Variants in NPAS3 observed in about 807,000 individuals in gnomAD.
NPAS3 encodes neuronal PAS domain-containing protein 3.
In NPAS3, 14 loss-of-function variants were observed where a neutral mutation model predicts 73.1. The ratio of observed to expected loss-of-function variants is 0.19; its 90% CI spans 0.13 to 0.30. The LOEUF (loss-of-function observed/expected upper bound fraction) is 0.30. NPAS3 is among the 10% of genes least tolerant of loss of function. The probability of loss-of-function intolerance (pLI) is 1.00; values close to 1 mark genes in which losing one functional copy is unlikely to be tolerated. For missense variants in NPAS3, 1,096 were observed against 1,250.0 expected (o/e 0.88, Z 1.86); for synonymous variants, 620 against 541.5 (o/e 1.14, Z -2.01).
chr14:33,047,650 C>T (rs1432134469), intron 1 of NPAS3, among the ~76,000 whole-genome samples: 1 of 152,178 alleles, frequency 6.6e-6, no homozygotes, highest in African/African-American at 2.4e-5. Context: ...AGGAAAACCT[C>T]CAATATAAAT....
At chr14:33,380,836 C>CT (rs2046515239) in intron 4 of NPAS3, among the ~76,000 whole-genome samples, 1 of 152,088 alleles carries the variant, frequency 6.6e-6, no homozygotes, top group African/African-American at 2.4e-5. Context: ...TCCCTCAATT[C>CT]TAAAGATATA....
At chr14:33,182,663 T>G (rs375396665) in intron 2 of NPAS3, among the ~76,000 whole-genome samples, 3 of 152,172 alleles carry the variant, frequency 2.0e-5, no homozygotes, top group African/African-American at 7.2e-5. Context: ...GGTTCCAAAT[T>G]TTTTCCTTTA....
At chr14:33,639,381 A>T (rs1158826971) in intron 5 of NPAS3, among the ~76,000 whole-genome samples, 1 of 152,166 alleles carries the variant, frequency 6.6e-6, no homozygotes, top group Non-Finnish European at 1.5e-5. Flanking sequence ...TCTAAAAAAA[A>T]ATTGTCTAGA....
intron 4 of NPAS3, among the ~76,000 whole-genome samples, chr14:33,523,859 G>A (rs535496276): frequency 2.0e-5 from 3 of 152,116 alleles, no homozygotes; most frequent in African/African-American, 4.8e-5. Flanking sequence ...GCCTGCCATC[G>A]ATCCATGATG....
intron 5 of NPAS3, among the ~76,000 whole-genome samples, chr14:33,672,162 G>C (rs74042370): frequency 6.8e-4 from 103 of 152,244 alleles, no homozygotes; most frequent in African/African-American, 2.5e-3. Flanking sequence ...ATGAAAGACA[G>C]ACACTATTCT....
Position 33,083,218 on chromosome 14 carries a change from G to T in NPAS3, c.140+27224G>T, listed in dbSNP as rs1057202292. ...AAAAAAAAAAAAAAAAAAAAAAGAA[G>T]GGACTTTGCCTTTGCCTCCACTCCA... On this transcript the variant is annotated intron_variant, in intron 2 of 11. Coordinates refer to ENST00000356141, the Ensembl canonical transcript of NPAS3. Among the ~76,000 whole-genome samples, 3 of 23,148 alleles carry T rather than the reference G, an allele frequency of 1.3e-4. 1 individual carries two copies. The highest frequency in any genetic ancestry group is 4.8e-4 in the African/African-American group (3 of 6,282). The allele number at this position is 23,148 out of a possible 152,430, so 15.2% of individuals were successfully genotyped here.
At chr14:33,454,248 TA>T (rs1487839673) in intron 4 of NPAS3, among the ~76,000 whole-genome samples, 1 of 152,266 alleles carries the variant, frequency 6.6e-6, no homozygotes, top group African/African-American at 2.4e-5. Flanking sequence ...TTTTAAACTT[TA>T]AACATTTTAT....
chr14:33,786,577 A>C (rs1378071660), intron 9 of NPAS3, among the ~76,000 whole-genome samples: 1 of 152,220 alleles, frequency 6.6e-6, no homozygotes, highest in Admixed American at 6.5e-5. Flanking sequence ...GGAGGTGAAG[A>C]ATGCACCCAG....
chr14:33,593,519 G>A (rs1315727483), intron 5 of NPAS3, among the ~76,000 whole-genome samples: 1 of 152,200 alleles, frequency 6.6e-6, no homozygotes, highest in Non-Finnish European at 1.5e-5. Context: ...GCTTCTGCCA[G>A]TGCGCATTTG....
At chr14:33,349,543 T>C (rs910568262) in intron 3 of NPAS3, among the ~76,000 whole-genome samples, 1 of 152,218 alleles carries the variant, frequency 6.6e-6, no homozygotes, top group Non-Finnish European at 1.5e-5. Context: ...AGAAGTGATT[T>C]TTCATCATCA....
chr14:33,592,986 A>G (rs760685036), intron 5 of NPAS3, among the ~76,000 whole-genome samples: 2 of 152,086 alleles, frequency 1.3e-5, no homozygotes, highest in African/African-American at 2.4e-5. Flanking sequence ...GAGTCCTGCA[A>G]TGCTTCAGAC....
rs146664822 is a variant in NPAS3 at position 33,239,683 on chromosome 14, T to C, written c.385+24257T>C. 2.0e-4 allele frequency among the ~76,000 whole-genome samples: 30 copies of C among 151,966 alleles called. No homozygotes were observed. In the East Asian group the frequency reaches 5.0e-3, roughly 25 times the overall value. ...AACATCTGACTGCTGTCATAACCTA[T>C]CGTTTTTAACATAAACATTATAGCT... On this transcript the variant is annotated intron_variant, in intron 3 of 11. Coordinates refer to ENST00000356141, the Ensembl canonical transcript of NPAS3.
chr14:33,321,846 T>C (rs1210134840), intron 3 of NPAS3, among the ~76,000 whole-genome samples: 1 of 152,128 alleles, frequency 6.6e-6, no homozygotes, highest in East Asian at 1.9e-4. Flanking sequence ...ACTGGAAAGT[T>C]CTTAAGACAC....
At chr14:33,133,640 T>C (rs2043723424) in intron 2 of NPAS3, among the ~76,000 whole-genome samples, 1 of 152,256 alleles carries the variant, frequency 6.6e-6, no homozygotes, top group Non-Finnish European at 1.5e-5. Context: ...CATTTATACC[T>C]ATTGTAAACT....
chr14:33,602,073 CAG>C (rs890588475), intron 5 of NPAS3, among the ~76,000 whole-genome samples: 10 of 152,174 alleles, frequency 6.6e-5, no homozygotes, highest in African/African-American at 2.2e-4. Flanking sequence ...GTTGAGAAAA[CAG>C]AACCGAGAGT....
intron 5 of NPAS3, 115 bp downstream of exon 5, chr14:33,560,325 ATG>A (rs978522489): frequency 1.0e-5 from 6 of 574,426 alleles, no homozygotes; most frequent in African/African-American, 5.6e-5. Flanking sequence ...GTATTATTTA[ATG>A]GCTTTACCTG....
At chr14:33,147,730 A>AAAAAAAATATATATATAT (rs372663411) in intron 2 of NPAS3, among the ~76,000 whole-genome samples, 17 of 130,360 alleles carry the variant, frequency 1.3e-4, no homozygotes, top group African/African-American at 4.9e-4. Context: ...TAGAATAAAA[A>AAAAAAAATATATATATAT]ATATATATAT....
At chr14:33,587,354 T>C (rs980351246) in intron 5 of NPAS3, among the ~76,000 whole-genome samples, 2 of 152,196 alleles carry the variant, frequency 1.3e-5, no homozygotes, top group Admixed American at 1.3e-4. Context: ...AAGATGGCAG[T>C]CCAGTGTCCT....
At chr14:33,296,464 T>C (rs2042303686) in intron 3 of NPAS3, among the ~76,000 whole-genome samples, 1 of 152,240 alleles carries the variant, frequency 6.6e-6, no homozygotes, top group Non-Finnish European at 1.5e-5. Context: ...ATTTCTTTTC[T>C]GGTGTTAATT....
Sources: allele counts gnomAD v4.1 joint callset (sites outside exome capture counted in the v4.1 genomes callset), GRCh38; gene constraint gnomAD v4.1.1; transcripts MANE v1.5; gene names NCBI Gene and HGNC (gene_info 2026-07-23, HGNC 2026-07-21).